TP63: variants seen among roughly 807,000 people sequenced by gnomAD.
TP63 encodes tumor protein 63.
In TP63, 17 loss-of-function variants were observed where a neutral mutation model predicts 82.8. That is an observed-to-expected ratio of 0.21 (90% CI 0.14 to 0.31). The LOEUF (loss-of-function observed/expected upper bound fraction) is 0.31. Among genes scored for constraint, TP63 ranks in the 10% least tolerant of loss-of-function variants. The pLI, the probability that TP63 is intolerant of heterozygous loss-of-function variation, is 1.00. For synonymous variants in TP63, 330 were observed against 321.7 expected, an observed-to-expected ratio of 1.03 and a Z score of -0.28; for missense variants, 648 against 895.3, an observed-to-expected ratio of 0.72 and a Z score of 3.52.
chr3:189,836,495 A>G (rs1289289105), intron 4 of TP63, among the ~76,000 whole-genome samples: 1 of 152,168 alleles, frequency 6.6e-6, no homozygotes, highest in East Asian at 1.9e-4. Flanking sequence ...ATGATTACGT[A>G]GTGTAATTTG....
upstream of TP63, among the ~76,000 whole-genome samples, chr3:189,629,187 G>A (rs1729381848): frequency 6.6e-6 from 1 of 151,944 alleles, no homozygotes; most frequent in Non-Finnish European, 1.5e-5. Context: ...AGACCAGTCA[G>A]GGCAACACAG....
At chr3:189,715,106 C>G (rs1718864157) in intron 1 of TP63, among the ~76,000 whole-genome samples, 1 of 152,226 alleles carries the variant, frequency 6.6e-6, no homozygotes, top group South Asian at 2.1e-4. Flanking sequence ...CACTTGCCCT[C>G]GTTTCCTCCC....
intron 1 of TP63, among the ~76,000 whole-genome samples, chr3:189,724,101 A>T (rs1174040591): frequency 6.7e-6 from 1 of 150,336 alleles, no homozygotes; most frequent in Non-Finnish European, 1.5e-5. Flanking sequence ...ATAAAGACTT[A>T]GGAGTTATCC....
Position 189,767,923 on chromosome 3 carries a change from C to T in TP63, c.324+29149C>T, listed in dbSNP as rs1003645302. ...CACTAACCCTCTCTAGTGTCAGTTT[C>T]GTCACTTACAATAATCTAAATATTT... On this transcript the variant is annotated intron_variant, in intron 3 of 13. Coordinates refer to ENST00000264731, the MANE Select transcript of TP63 (RefSeq NM_003722.5). 5.3e-5 allele frequency among the ~76,000 whole-genome samples: 8 copies of T among 152,136 alleles called. No homozygotes were observed. In the South Asian group the frequency reaches 6.2e-4, roughly 12 times the overall value.
At chr3:189,789,600 A>G in intron 3 of TP63, 1 of 1,254,770 alleles carries the variant, frequency 8.0e-7, no homozygotes, top group Admixed American at 4.1e-5. Flanking sequence ...GGTAAAGAGA[A>G]GAGTCCCGCC....
At chr3:189,849,853 C>A (rs1001870283) in intron 4 of TP63, among the ~76,000 whole-genome samples, 1 of 152,150 alleles carries the variant, frequency 6.6e-6, no homozygotes, top group Non-Finnish European at 1.5e-5. Context: ...AAGGTTTGGA[C>A]AAGAGGTGCT....
At position 189,875,613 on chromosome 3, in the gene TP63, T is replaced by TATATATATACACAC. The variant is rs1553859700; in HGVS notation, c.1349+2627_1349+2628insCACACATATATATA. On this transcript the variant is annotated intron_variant, in intron 10 of 13. Coordinates refer to ENST00000264731, the MANE Select transcript of TP63 (RefSeq NM_003722.5). ...ACATACATATATATATATATATATA[T>TATATATATACACAC]ATATATATATATATATATATATATA... 2.9e-3 allele frequency among the ~76,000 whole-genome samples: 305 copies of TATATATATACACAC among 105,472 alleles called. 12 individuals carry two copies. Among genetic ancestry groups the TATATATATACACAC allele is most frequent in the Non-Finnish European group, 4.1e-3 (214 of 52,040 alleles). 69.2% of individuals were successfully genotyped at this position (105,472 alleles called of 152,430 possible). A position where few individuals can be genotyped will look rare whatever the true frequency, so the allele number is the denominator to read the frequency against.
intron 11 of TP63, 106 bp downstream of exon 11, chr3:189,886,657 G>A: frequency 3.3e-6 from 5 of 1,502,170 alleles, no homozygotes; most frequent in Non-Finnish European, 2.7e-6. Flanking sequence ...GAGACACAGT[G>A]GGACAGATCA....
intron 1 of TP63, among the ~76,000 whole-genome samples, chr3:189,640,152 T>A (rs1711697080): frequency 6.6e-6 from 1 of 152,224 alleles, no homozygotes; most frequent in Admixed American, 6.6e-5. Flanking sequence ...AATGAGGAAA[T>A]ATGCTTTCTT....
intron 3 of TP63, among the ~76,000 whole-genome samples, chr3:189,765,433 C>CTTTTTTTTTTTTTTTTGTTTTTTTTT (rs1722876950): frequency 6.6e-5 from 2 of 30,088 alleles, no homozygotes; most frequent in African/African-American, 1.2e-4. Context: ...CTGTCCTCTG[C>CTTTTTTTTTTTTTTTTGTTTTTTTTT]TTTTTTTTTT....
At chr3:189,889,202 G>T (rs1033917138) in intron 11 of TP63, 138 bp from the exon 12 acceptor site, 19 of 1,216,672 alleles carry the variant, frequency 1.6e-5, no homozygotes, top group Admixed American at 3.4e-5. Flanking sequence ...GTTTGAAGGG[G>T]TGTAGTGAGA....
At chr3:189,784,245 A>G (rs1724431429) in intron 3 of TP63, among the ~76,000 whole-genome samples, 2 of 152,110 alleles carry the variant, frequency 1.3e-5, no homozygotes, top group Admixed American at 1.3e-4. Context: ...GTAAGGCACT[A>G]TCTAAATCCA....
At chr3:189,741,353 G>T (rs1039882470) in intron 3 of TP63, among the ~76,000 whole-genome samples, 1 of 152,168 alleles carries the variant, frequency 6.6e-6, no homozygotes, top group Non-Finnish European at 1.5e-5. Flanking sequence ...TGGAAAAATG[G>T]TAAACTTACC....
intron 1 of TP63, among the ~76,000 whole-genome samples, chr3:189,730,525 G>A (rs375167628): frequency 3.7e-4 from 56 of 152,260 alleles, no homozygotes; most frequent in African/African-American, 1.2e-3. Context: ...AGCAAAGCAC[G>A]AATTTGAAAC....
Position 189,649,182 on chromosome 3 carries a change from T to C in TP63, c.62+17605T>C, listed in dbSNP as rs1181517108. ...AAAAATGAGGAAAATAACAGATATATACAGAGAAAATGAAAGGGTTGAAAA... is the reference window on the plus strand; with the variant it reads ...AAAAATGAGGAAAATAACAGATATACACAGAGAAAATGAAAGGGTTGAAAA... On this transcript the variant is annotated intron_variant, in intron 1 of 13. Transcript: ENST00000264731. 2.7e-5 allele frequency among the ~76,000 whole-genome samples: 4 copies of C among 146,398 alleles called. 1 individual carries two copies. Among genetic ancestry groups the C allele is most frequent in the Non-Finnish European group, 6.0e-5 (4 of 67,174 alleles).
intron 3 of TP63, among the ~76,000 whole-genome samples, chr3:189,782,355 T>C (rs1292681510): frequency 6.6e-6 from 1 of 152,210 alleles, no homozygotes; most frequent in East Asian, 1.9e-4. Context: ...TTCTTTCCAC[T>C]ATTCCTTGCT....
intron 1 of TP63, among the ~76,000 whole-genome samples, chr3:189,676,238 A>G (rs1228074301): frequency 6.6e-6 from 1 of 152,060 alleles, no homozygotes; most frequent in Non-Finnish European, 1.5e-5. Context: ...TATACTCATT[A>G]TGCTGTACAT....
chr3:189,743,567 TATA>T (rs528705259), intron 3 of TP63, among the ~76,000 whole-genome samples: 242 of 152,224 alleles, frequency 1.6e-3, no homozygotes, highest in African/African-American at 5.8e-3. Context: ...CAGCATTGTT[TATA>T]ATAACTAAAA....
chr3:189,696,935 C>G (rs1406388546), intron 1 of TP63, among the ~76,000 whole-genome samples: 2 of 151,990 alleles, frequency 1.3e-5, no homozygotes, highest in African/African-American at 4.8e-5. Context: ...GATGTAAGCC[C>G]TTTATCAGAT....
Sources: gnomAD v4.1 joint callset for allele counts (sites outside exome capture counted in the v4.1 genomes callset) on GRCh38, gnomAD v4.1.1 for gene constraint, MANE v1.5 for transcripts, NCBI Gene and HGNC (gene_info 2026-07-23, HGNC 2026-07-21) for gene names.